Variants in ARFGEF2 observed in about 807,000 individuals in gnomAD.
ARFGEF2 encodes the protein brefeldin A-inhibited guanine nucleotide-exchange protein 2.
Under a neutral mutation model 219.9 loss-of-function variants are expected in ARFGEF2, and 74 were observed. The observed-to-expected ratio is 0.34, with a 90% CI of 0.28 to 0.41. ARFGEF2 has a LOEUF of 0.41. ARFGEF2 is among the 10% of genes least tolerant of loss of function. The probability of loss-of-function intolerance (pLI) is 1.00; values close to 1 mark genes in which losing one functional copy is unlikely to be tolerated. For synonymous variants in ARFGEF2, 733 were observed against 799.2 expected (o/e 0.92, Z 1.40); for missense variants, 1,743 against 2,218.3 (o/e 0.79, Z 4.30).
intron 20 of ARFGEF2, among the ~76,000 whole-genome samples, chr20:48,990,093 G>A (rs1381389321): frequency 1.3e-5 from 2 of 152,074 alleles, no homozygotes; most frequent in African/African-American, 4.8e-5. Flanking sequence ...GCAGGAGACC[G>A]GCTTGAACCC....
At chr20:48,963,342 G>T (rs370550514) in intron 6 of ARFGEF2, among the ~76,000 whole-genome samples, 4 of 152,082 alleles carry the variant, frequency 2.6e-5, no homozygotes, top group Admixed American at 2.6e-4. Flanking sequence ...TAAAAGTTTA[G>T]TAAATCCTTA....
At chr20:48,991,275 G>C in intron 21 of ARFGEF2, 77 bp downstream of exon 21, 1 of 1,585,538 alleles carries the variant, frequency 6.3e-7, no homozygotes, top group Non-Finnish European at 8.6e-7. Context: ...GATCTCATTT[G>C]GTCAGTTCTG....
At chr20:48,964,946 C>G (rs1441058171) in intron 7 of ARFGEF2, among the ~76,000 whole-genome samples, 1 of 152,052 alleles carries the variant, frequency 6.6e-6, no homozygotes, top group Non-Finnish European at 1.5e-5. Flanking sequence ...CTTATGTGCC[C>G]ATGTCTATAC....
At chr20:48,939,457 T>C (rs1458125927) in intron 1 of ARFGEF2, among the ~76,000 whole-genome samples, 1 of 152,036 alleles carries the variant, frequency 6.6e-6, no homozygotes, top group Non-Finnish European at 1.5e-5. Flanking sequence ...CAGTGACATA[T>C]CTTGTCACCC....
Position 48,989,395 on chromosome 20 carries a change from A to G in ARFGEF2, c.2644A>G (p.Thr882Ala). ...EAVSHAKAPF[T>A]SATHLDHVRP... ...TGTGAGCCATGCCAAAGCCCCGTTTACCAGTGCCACTCACCTGGACCATGT... is the reference window on the plus strand; with the variant it reads ...TGTGAGCCATGCCAAAGCCCCGTTTGCCAGTGCCACTCACCTGGACCATGT... The change falls in exon 19 of 39, where the codon ACC becomes GCC. Residue 882 changes from threonine to alanine, a missense_variant. By Grantham distance (58) the Thr-to-Ala change is moderately conservative (BLOSUM62 0). Coordinates refer to ENST00000371917, the MANE Select transcript of ARFGEF2 (RefSeq NM_006420.3). 2 of 1,614,248 alleles carry G rather than the reference A, an allele frequency of 1.2e-6. No individual in the cohort carries two copies. Among genetic ancestry groups the G allele is most frequent in the Non-Finnish European group, 1.7e-6 (2 of 1,180,038 alleles).
chr20:49,006,883 GT>G (rs1465180140), intron 26 of ARFGEF2, among the ~76,000 whole-genome samples: 15 of 147,944 alleles, frequency 1.0e-4, no homozygotes, highest in Admixed American at 1.3e-4. Flanking sequence ...GGAGGTTTTT[GT>G]TTTTTTTTTT....
chr20:48,972,043 A>G (rs2091231793), intron 10 of ARFGEF2, among the ~76,000 whole-genome samples: 2 of 152,242 alleles, frequency 1.3e-5, no homozygotes, highest in South Asian at 4.1e-4. Flanking sequence ...CAAATTGAGA[A>G]ATCCTATTTT....
intron 1 of ARFGEF2, among the ~76,000 whole-genome samples, chr20:48,939,032 T>G (rs2090978136): frequency 6.6e-6 from 1 of 150,546 alleles, no homozygotes; most frequent in Non-Finnish European, 1.5e-5. Flanking sequence ...TGAAGTGCAG[T>G]GGCACCATCT....
intron 37 of ARFGEF2, 109 bp downstream of exon 37, chr20:49,028,777 C>A (rs972106886): frequency 7.8e-6 from 10 of 1,289,466 alleles, no homozygotes; most frequent in Non-Finnish European, 1.1e-5. Context: ...GACACTCTGA[C>A]AAATTTTTTT....
chr20:49,031,133 A>C (rs2091631460), intron 37 of ARFGEF2, among the ~76,000 whole-genome samples: 1 of 151,598 alleles, frequency 6.6e-6, no homozygotes, highest in Non-Finnish European at 1.5e-5. Flanking sequence ...GATTGAGTTC[A>C]GCCCTAGCCA....
chr20:48,969,081 C>T, intron 8 of ARFGEF2, 66 bp from the exon 9 acceptor site: 2 of 1,564,818 alleles, frequency 1.3e-6, no homozygotes, highest in Non-Finnish European at 1.8e-6. Context: ...CTGCCTCAGC[C>T]TCTGGAGTAG....
chr20:48,958,083 A>C (rs2091116109), intron 6 of ARFGEF2, among the ~76,000 whole-genome samples: 1 of 152,286 alleles, frequency 6.6e-6, no homozygotes, highest in South Asian at 2.1e-4. Context: ...GGAAATTTTC[A>C]TTATGGATTT....
chr20:48,943,250 G>T (rs2091005341), intron 3 of ARFGEF2, among the ~76,000 whole-genome samples: 1 of 152,152 alleles, frequency 6.6e-6, no homozygotes, highest in Admixed American at 6.5e-5. Context: ...ACTGCTCTGT[G>T]CATGTCTACA....
Position 48,998,639 on chromosome 20 carries a change from G to C in ARFGEF2, c.3432+134G>C. The C allele has an allele frequency of 3.4e-6, 3 of 876,404 alleles. No individual in the cohort carries two copies. The Admixed American group carries it at 6.9e-5, about 20-fold the overall frequency. 54.3% of individuals were successfully genotyped at this position (876,404 alleles called of 1,614,324 possible). A position where few individuals can be genotyped will look rare whatever the true frequency, so the allele number is the denominator to read the frequency against. ...AATTCATTTTCCCTGTGCAGTCAAG[G>C]ACAGCTTGATAGGAGTAATATCATA... On this transcript the variant is annotated intron_variant, in intron 25 of 38. Transcript: ENST00000371917.
intron 21 of ARFGEF2, among the ~76,000 whole-genome samples, chr20:48,993,722 G>A (rs1333560252): frequency 6.6e-6 from 1 of 152,170 alleles, no homozygotes; most frequent in Non-Finnish European, 1.5e-5. Flanking sequence ...GGGCCCGTGT[G>A]CAGATCTGCA....
intron 30 of ARFGEF2, 133 bp downstream of exon 30, chr20:49,014,093 G>A: frequency 8.5e-7 from 1 of 1,173,292 alleles, no homozygotes; most frequent in Non-Finnish European, 1.3e-6. Flanking sequence ...TTTTAAAAAT[G>A]GAAACACCTT....
Position 49,025,351 on chromosome 20 carries a change from G to A in ARFGEF2, c.4794G>A (p.Glu1598=). The change falls in exon 36 of 39, where the codon GAG becomes GAA. Residue 1598 remains glutamate, a synonymous_variant. Coordinates refer to ENST00000371917, the MANE Select transcript of ARFGEF2 (RefSeq NM_006420.3). ...TLDADIHIET[E]DQGMYKYMSS... ...ATGCAGATATCCACATAGAGACGGA[G>A]GATCAGGGCATGTATAAGTACATGT... 1.9e-6 allele frequency: 3 copies of A among 1,613,798 alleles called. No individual in the cohort carries two copies. The highest frequency in any genetic ancestry group is 2.5e-6 in the Non-Finnish European group (3 of 1,179,880).
intron 12 of ARFGEF2, among the ~76,000 whole-genome samples, chr20:48,974,347 G>T (rs887531873): frequency 6.6e-6 from 1 of 151,846 alleles, no homozygotes; most frequent in African/African-American, 2.4e-5. Flanking sequence ...CCTTACCTCA[G>T]GTGGTCCACC....
intron 23 of ARFGEF2, among the ~76,000 whole-genome samples, chr20:48,996,178 G>A (rs1160554697): frequency 1.3e-5 from 2 of 152,134 alleles, no homozygotes. Context: ...AGGATTAAAA[G>A]CCTACCCATG....
Sources: allele counts gnomAD v4.1 joint callset (sites outside exome capture counted in the v4.1 genomes callset), GRCh38; gene constraint gnomAD v4.1.1; transcripts MANE v1.5; gene names NCBI Gene and HGNC (gene_info 2026-07-23, HGNC 2026-07-21).